The following FSTL4 variants were observed in gnomAD, a reference collection of about 807,000 sequenced individuals.
FSTL4 encodes follistatin like 4, also known as follistatin-related protein 4.
In FSTL4, 28 loss-of-function variants were observed where a neutral mutation model predicts 78.2. The ratio of observed to expected loss-of-function variants is 0.36; its 90% confidence interval spans 0.27 to 0.49. FSTL4 has a LOEUF of 0.49. Ranked by LOEUF, FSTL4 falls within the 20% of genes least tolerant of loss-of-function variation. FSTL4 has a pLI of 0.98. For synonymous variants in FSTL4, 422 were observed against 440.5 expected (o/e 0.96, Z 0.53); for missense variants, 922 against 1,084.9 (o/e 0.85, Z 2.11).
At chr5:133,742,633 C>T in the FSTL4 span, among the ~76,000 whole-genome samples, 1 of 151,638 alleles carries the variant, frequency 6.6e-6, no homozygotes, top group Non-Finnish European at 1.5e-5. Flanking sequence ...GAGGGCTGAC[C>T]CTAAGGAGAC....
chr5:133,782,283 A>G, the FSTL4 span, among the ~76,000 whole-genome samples: 123 of 152,386 alleles, frequency 8.1e-4, no homozygotes, highest in African/African-American at 2.8e-3. Flanking sequence ...GCTGCTGTTA[A>G]CAAAAATATG....
At chr5:133,739,181 T>C in the FSTL4 span, among the ~76,000 whole-genome samples, 1 of 152,016 alleles carries the variant, frequency 6.6e-6, no homozygotes, top group African/African-American at 2.4e-5. Flanking sequence ...TACACAGAAA[T>C]ACTCTAACCC....
At chr5:133,636,947 A>G in the FSTL4 span, among the ~76,000 whole-genome samples, 1 of 152,236 alleles carries the variant, frequency 6.6e-6, no homozygotes, top group Non-Finnish European at 1.5e-5. Flanking sequence ...AGGTTAGGCA[A>G]CTTATTCATG....
chr5:133,604,720 A>G (rs1247124914), intron 1 of FSTL4, among the ~76,000 whole-genome samples: 3 of 152,132 alleles, frequency 2.0e-5, no homozygotes, highest in Non-Finnish European at 2.9e-5. Context: ...AAAAAAAGAA[A>G]TGATGATTAA....
chr5:133,221,748 C>T (rs1264096929), intron 11 of FSTL4, among the ~76,000 whole-genome samples: 1 of 152,036 alleles, frequency 6.6e-6, no homozygotes, highest in Non-Finnish European at 1.5e-5. Context: ...TGCTCCTTCC[C>T]TCTCCCTGTC....
the FSTL4 span, among the ~76,000 whole-genome samples, chr5:133,677,192 G>A: frequency 2.6e-5 from 4 of 152,144 alleles, no homozygotes; most frequent in Non-Finnish European, 5.9e-5. Flanking sequence ...TCACACACAC[G>A]TCAACCTGAA....
chr5:133,562,432 G>C (rs1285943145), intron 3 of FSTL4, among the ~76,000 whole-genome samples: 1 of 152,174 alleles, frequency 6.6e-6, no homozygotes, highest in African/African-American at 2.4e-5. Flanking sequence ...CCGATTCCAC[G>C]GGTTTTCAGA....
chr5:133,551,685 C>A (rs1759694216), intron 3 of FSTL4, among the ~76,000 whole-genome samples: 1 of 152,200 alleles, frequency 6.6e-6, no homozygotes, highest in Non-Finnish European at 1.5e-5. Context: ...GATAAACACA[C>A]TGATTAAAAA....
the FSTL4 span, among the ~76,000 whole-genome samples, chr5:133,638,678 A>G: frequency 1.3e-5 from 2 of 151,894 alleles, no homozygotes; most frequent in Non-Finnish European, 2.9e-5. Flanking sequence ...TTTTTCTCCC[A>G]TAGCACTTAC....
the FSTL4 span, among the ~76,000 whole-genome samples, chr5:133,651,494 T>C: frequency 1.3e-5 from 2 of 152,146 alleles, no homozygotes; most frequent in South Asian, 2.1e-4. Context: ...TCTACTGATA[T>C]GATCATGTGA....
the FSTL4 span, among the ~76,000 whole-genome samples, chr5:133,630,057 G>C: frequency 6.6e-6 from 1 of 152,240 alleles, no homozygotes; most frequent in South Asian, 2.1e-4. Context: ...ATGGGCAAAA[G>C]CTGGAAGCAT....
At chr5:133,608,118 G>A (rs1761014684) in intron 1 of FSTL4, among the ~76,000 whole-genome samples, 1 of 152,192 alleles carries the variant, frequency 6.6e-6, no homozygotes, top group African/African-American at 2.4e-5. Flanking sequence ...ATAGAATTGG[G>A]AAGGTGCCAT....
At position 133,366,148 on chromosome 5, in the gene FSTL4, C is replaced by T. The variant is rs149879069; in HGVS notation, c.409+34590G>A. Among the ~76,000 whole-genome samples the T allele has an allele frequency of 1.5e-3, 227 of 152,318 alleles. 1 individual carries two copies. The highest frequency in any genetic ancestry group is 0.01 in the Middle Eastern group (3 of 294). ...CCTTTGTGTGCCACCTTGAACGTGT[C>T]AAGCTCCTTTCAGGTTCAGGGCCTT... On this transcript the variant is annotated intron_variant, in intron 4 of 15. Transcript: ENST00000265342.
intron 7 of FSTL4, among the ~76,000 whole-genome samples, chr5:133,242,671 A>G (rs1042366674): frequency 1.3e-5 from 2 of 152,140 alleles, no homozygotes; most frequent in African/African-American, 4.8e-5. Context: ...CCCGGCCCCC[A>G]TATCTTGGAG....
At chr5:133,275,435 C>A (rs1001110600) in intron 6 of FSTL4, among the ~76,000 whole-genome samples, 4 of 151,966 alleles carry the variant, frequency 2.6e-5, no homozygotes, top group African/African-American at 9.7e-5. Context: ...TGGCGGGTGC[C>A]TGTAGTCCCA....
chr5:133,317,651 C>T (rs536437894), intron 4 of FSTL4, among the ~76,000 whole-genome samples: 2 of 152,382 alleles, frequency 1.3e-5, no homozygotes, highest in South Asian at 4.1e-4. Context: ...AGAGCATGAG[C>T]TCTGAGGTCC....
the FSTL4 span, among the ~76,000 whole-genome samples, chr5:133,828,537 G>A: frequency 2.6e-5 from 4 of 152,136 alleles, no homozygotes; most frequent in Non-Finnish European, 5.9e-5. Context: ...AGGAACGAGT[G>A]CCCTATTTGT....
At chr5:133,560,113 G>C (rs1272617180) in intron 3 of FSTL4, among the ~76,000 whole-genome samples, 1 of 152,228 alleles carries the variant, frequency 6.6e-6, no homozygotes, top group Admixed American at 6.5e-5. Flanking sequence ...TGCCTGCACA[G>C]CAGCATGAGA....
the FSTL4 span, among the ~76,000 whole-genome samples, chr5:133,785,872 C>T: frequency 1.2e-4 from 18 of 152,304 alleles, no homozygotes; most frequent in South Asian, 3.5e-3. Flanking sequence ...GCCCTAGTCA[C>T]CAGCAGCATG....
Sources: allele counts gnomAD v4.1 joint callset (sites outside exome capture counted in the v4.1 genomes callset), GRCh38; gene constraint gnomAD v4.1.1; transcripts MANE v1.5; gene names NCBI Gene and HGNC (gene_info 2026-07-23, HGNC 2026-07-21).